XPC: variants seen among roughly 807,000 people sequenced by gnomAD.
The protein encoded by XPC is XPC complex subunit, DNA damage recognition and repair factor.
Under a neutral mutation model 95.8 loss-of-function variants are expected in XPC, and 76 were observed. That is an observed-to-expected ratio of 0.79 (90% CI 0.66 to 0.96). The LOEUF (loss-of-function observed/expected upper bound fraction) is 0.96. Among genes scored for constraint, XPC ranks in the 40% least tolerant of loss-of-function variants. The pLI, the probability that XPC is intolerant of heterozygous loss-of-function variation, is 0.00. For missense variants in XPC, 1,146 were observed against 1,179.8 expected (o/e 0.97, Z 0.42); for synonymous variants, 442 against 442.1 (o/e 1.00, Z 0.00).
intron 4 of XPC, 77 bp from the exon 5 acceptor site, chr3:14,167,330 T>C: frequency 7.8e-7 from 1 of 1,276,720 alleles, no homozygotes. Context: ...CAATTCCTTC[T>C]CCTCGGATGA....
Position 14,170,140 on chromosome 3 carries a change from T to C in XPC, c.412+298A>G, listed in dbSNP as rs3731082. 9.9e-3 allele frequency among the ~76,000 whole-genome samples: 1,508 copies of C among 152,332 alleles called. 26 individuals carry two copies. Among genetic ancestry groups the C allele is most frequent in the African/African-American group, 0.034 (1,415 of 41,574 alleles). The stretch of plus-strand genomic sequence containing the variant: ...CCACCTAAGTGGCAAAGTTGAGCAC[T>C]GAACCCAATTCTAACTACTTTCAAA... On this transcript the variant is annotated intron_variant, in intron 3 of 15. Coordinates refer to ENST00000285021, the MANE Select transcript of XPC (RefSeq NM_004628.5).
At chr3:14,154,873 AT>A in intron 10 of XPC, among the ~76,000 whole-genome samples, 1 of 22,994 alleles carries the variant, frequency 4.3e-5, no homozygotes, top group East Asian at 1.3e-3. Context: ...ATTATAAAAA[AT>A]TTATAAATAT....
At chr3:14,148,269 G>C (rs1343781050) in intron 13 of XPC, 14 of 579,470 alleles carry the variant, frequency 2.4e-5, no homozygotes, top group Non-Finnish European at 3.9e-5. Context: ...TCACTAACCA[G>C]GCAGCTGCCG....
At chr3:14,150,222 T>C (rs1370512999) in intron 11 of XPC, among the ~76,000 whole-genome samples, 1 of 152,216 alleles carries the variant, frequency 6.6e-6, no homozygotes, top group African/African-American at 2.4e-5. Flanking sequence ...ACGTAACTCT[T>C]AGAGGAGTCA....
At chr3:14,175,502 A>G (rs948587183) in intron 1 of XPC, among the ~76,000 whole-genome samples, 1 of 152,104 alleles carries the variant, frequency 6.6e-6, no homozygotes, top group Admixed American at 6.5e-5. Flanking sequence ...TATAATCATG[A>G]GAGCAGGTGC....
At chr3:14,147,189 C>G in intron 15 of XPC, 101 bp downstream of exon 15, 1 of 1,257,458 alleles carries the variant, frequency 8.0e-7, no homozygotes, top group East Asian at 2.5e-5. Flanking sequence ...AAAGCTATCC[C>G]TGACTTGAGG....
In XPC at chr3:14,170,458, T is replaced by G. The variant is rs747522884; in HGVS notation, c.392A>C (p.Asn131Thr). Reference protein sequence around the residue: ...DSNEEEEESENDWEEVEELSE... With the variant: ...DSNEEEEESETDWEEVEELSE... The stretch of plus-strand genomic sequence containing the variant: ...TTCACCTTCAACCTCTTCCCAATCA[T>G]TTTCACTTTCTTCCTCTTCTTCATT... Residue 131 changes from asparagine (N) to threonine (T), a missense_variant, in exon 3 of 16, where the codon AAT (asparagine) becomes ACT (threonine). Physicochemically the swap from Asn to Thr is moderately conservative, Grantham distance 65 (BLOSUM62 0). Coordinates refer to ENST00000285021, the MANE Select transcript of XPC (RefSeq NM_004628.5). 7.4e-6 allele frequency: 12 copies of G among 1,613,740 alleles called. No homozygotes were observed. The South Asian group carries it at 1.2e-4, about 16-fold the overall frequency.
chr3:14,149,332 G>A (rs1190639769), intron 11 of XPC, among the ~76,000 whole-genome samples: 3 of 152,066 alleles, frequency 2.0e-5, no homozygotes, highest in Non-Finnish European at 4.4e-5. Flanking sequence ...TGATGCACTC[G>A]CCTCAACCTC....
rs187322134 is a variant in XPC at position 14,172,729 on chromosome 3, T to A, written c.299+138A>T. ...CTGAAAAGTTTCCAGCTCTTACCGG[T>A]CTGAGTTGTACCTAGAAGAATTTAA... On this transcript the variant is annotated intron_variant, in intron 2 of 15. Coordinates refer to ENST00000285021, the MANE Select transcript of XPC (RefSeq NM_004628.5). The A allele has an allele frequency of 4.1e-4, 395 of 966,938 alleles. 3 individuals carry two copies. In the African/African-American group the frequency reaches 5.8e-3, roughly 14 times the overall value. 59.9% of individuals were successfully genotyped at this position (966,938 alleles called of 1,614,324 possible). A position where few individuals can be genotyped will look rare whatever the true frequency, so the allele number is the denominator to read the frequency against.
At position 14,158,924 on chromosome 3, in the gene XPC, T is replaced by TC. The variant is rs777636617; in HGVS notation, c.991-33dup. 2.5e-6 allele frequency: 4 copies of TC among 1,612,480 alleles called. No homozygotes were observed. The highest frequency in any genetic ancestry group is 4.5e-5 in the East Asian group (2 of 44,872). ...CAGAATAAGAAATTTTGCTTTTTTT[T>TC]CTCCCCCCTCTTTTGCTAATGATAT... On this transcript the variant is annotated intron_variant, in intron 8 of 15. Transcript: ENST00000285021. The surrounding 1 kb of genome is among the most constrained non-coding windows in gnomAD (Gnocchi z 5.2).
intron 5 of XPC, chr3:14,165,938 CAGA>C: frequency 3.8e-6 from 1 of 264,968 alleles, no homozygotes; most frequent in South Asian, 4.1e-5. Context: ...TCCACGAGAT[CAGA>C]AGAAAAGGCA....
At chr3:14,159,990 G>A (rs563809491) in intron 7 of XPC, 160 bp from the exon 8 acceptor site, 11 of 597,492 alleles carry the variant, frequency 1.8e-5, no homozygotes, top group South Asian at 9.4e-5. Context: ...TGTTAAAAAC[G>A]ATGATGCAGA....
At chr3:14,169,503 A>G (rs1000602863) in intron 3 of XPC, among the ~76,000 whole-genome samples, 6 of 152,228 alleles carry the variant, frequency 3.9e-5, no homozygotes, top group African/African-American at 4.8e-5. Flanking sequence ...GGTGGGAAAT[A>G]CTGCTCTATA....
In XPC at chr3:14,165,530, T is replaced by C. The variant is rs748726258; in HGVS notation, c.677A>G (p.Gln226Arg). Residue 226 changes from glutamine (Q) to arginine (R), a missense_variant, in exon 6 of 16, where the codon CAG (glutamine) becomes CGG (arginine). By Grantham distance (43) the Gln-to-Arg change is conservative. Transcript: ENST00000285021. ...CAGGCCAATAGCATGCAGATCTGGCTGGCTGCAGATGTTATTTCGATAGAA... is the reference window on the plus strand; with the variant it reads ...CAGGCCAATAGCATGCAGATCTGGCCGGCTGCAGATGTTATTTCGATAGAA... ...NGFYRNNICS[Q>R]PDLHAIGLSI... 25 of 1,612,302 alleles carry C rather than the reference T, an allele frequency of 1.6e-5. No homozygotes were observed. Among genetic ancestry groups the C allele is most frequent in the Non-Finnish European group, 1.9e-5 (22 of 1,179,306 alleles).
intron 12 of XPC, 33 bp downstream of exon 12, chr3:14,148,781 C>T: frequency 2.5e-6 from 4 of 1,613,574 alleles, no homozygotes. Context: ...AACAAGGCGG[C>T]CTGGTCCTGA....
intron 7 of XPC, among the ~76,000 whole-genome samples, chr3:14,160,542 T>C (rs1696128725): frequency 6.6e-6 from 1 of 152,158 alleles, no homozygotes; most frequent in African/African-American, 2.4e-5. Flanking sequence ...ATTGTTATGG[T>C]GAGAAAAATG....
intron 1 of XPC, among the ~76,000 whole-genome samples, chr3:14,176,617 A>T (rs940351363): frequency 6.6e-6 from 1 of 152,396 alleles, no homozygotes; most frequent in African/African-American, 2.4e-5. Context: ...GTAATATTAC[A>T]TATGAGGTAA....
chr3:14,156,583 T>C (rs1695919857), intron 9 of XPC, 88 bp from the exon 10 acceptor site: 1 of 1,574,608 alleles, frequency 6.4e-7, no homozygotes, highest in African/African-American at 1.4e-5. Flanking sequence ...TAACTTGTTC[T>C]GACAACAGAT....
chr3:14,155,684 G>A (rs1056922020), intron 10 of XPC, among the ~76,000 whole-genome samples: 3 of 152,008 alleles, frequency 2.0e-5, no homozygotes, highest in Non-Finnish European at 2.9e-5. Flanking sequence ...CAGCCTCTCC[G>A]AGTCGCTGGG....
Sources: allele counts gnomAD v4.1 joint callset (sites outside exome capture counted in the v4.1 genomes callset), GRCh38; gene constraint gnomAD v4.1.1; non-coding constraint Gnocchi (gnomAD v3.1); transcripts MANE v1.5; gene names NCBI Gene and HGNC (gene_info 2026-07-23, HGNC 2026-07-21).